Variants in PDE10A observed in about 807,000 individuals in gnomAD.
PDE10A encodes the protein phosphodiesterase 10A.
In PDE10A, 39 loss-of-function variants were observed where a neutral mutation model predicts 97.7. The observed-to-expected ratio is 0.40, with a 90% CI of 0.31 to 0.52. The LOEUF is 0.52. PDE10A is among the 20% of genes least tolerant of loss of function. The pLI is 0.56. For missense variants in PDE10A, 731 were observed against 1,047.8 expected (o/e 0.70, Z 4.17); for synonymous variants, 371 against 376.8 (o/e 0.98, Z 0.18).
At chr6:165,630,100 C>T (rs1788563128) in intron 1 of PDE10A, among the ~76,000 whole-genome samples, 1 of 152,078 alleles carries the variant, frequency 6.6e-6, no homozygotes, top group Admixed American at 6.6e-5. Context: ...GTAATCCCAG[C>T]ACTTTGGGAG....
At chr6:165,588,675 T>C (rs1786070077) in intron 1 of PDE10A, among the ~76,000 whole-genome samples, 1 of 152,302 alleles carries the variant, frequency 6.6e-6, no homozygotes, top group African/African-American at 2.4e-5. Context: ...AAACCTACAT[T>C]ATTCTGCCAT....
intron 1 of PDE10A, among the ~76,000 whole-genome samples, chr6:165,953,153 T>C (rs1784020892): frequency 2.0e-5 from 3 of 152,208 alleles, no homozygotes; most frequent in Middle Eastern, 3.2e-3. Flanking sequence ...GCCTCTGTTC[T>C]TGCAGAGGCA....
chr6:165,568,004 T>C (rs1784863496), intron 1 of PDE10A, among the ~76,000 whole-genome samples: 2 of 142,494 alleles, frequency 1.4e-5, no homozygotes, highest in Middle Eastern at 6.5e-3. Flanking sequence ...ATTTTTTTTT[T>C]TTTTTTTTTT....
chr6:165,588,779 G>A (rs1786077019), intron 1 of PDE10A, among the ~76,000 whole-genome samples: 1 of 152,160 alleles, frequency 6.6e-6, no homozygotes, highest in Non-Finnish European at 1.5e-5. Flanking sequence ...ACAGATGTGA[G>A]CTTGAATCTC....
At chr6:165,416,892 A>G (rs1259677462) in intron 11 of PDE10A, among the ~76,000 whole-genome samples, 2 of 152,234 alleles carry the variant, frequency 1.3e-5, no homozygotes, top group African/African-American at 4.8e-5. Flanking sequence ...TAATCAAAAT[A>G]CAAGGATTGT....
At chr6:165,765,802 C>G (rs113340561) in intron 1 of PDE10A, among the ~76,000 whole-genome samples, 15,648 of 152,258 alleles carry the variant, frequency 0.1, 980 homozygotes, top group South Asian at 0.19. Flanking sequence ...AGGAGGCACC[C>G]AGAGTGAGCG....
chr6:165,715,641 C>T (rs1792007847), intron 1 of PDE10A, among the ~76,000 whole-genome samples: 1 of 152,148 alleles, frequency 6.6e-6, no homozygotes, highest in Non-Finnish European at 1.5e-5. Flanking sequence ...CACGTGCGCA[C>T]ACACACAGAC....
At chr6:165,801,722 GC>G (rs1778993344) in intron 1 of PDE10A, among the ~76,000 whole-genome samples, 1 of 152,308 alleles carries the variant, frequency 6.6e-6, no homozygotes, top group African/African-American at 2.4e-5. Flanking sequence ...TTTCTGTAGA[GC>G]TATATGGACA....
At chr6:165,524,426 A>G (rs1782306954) in intron 2 of PDE10A, among the ~76,000 whole-genome samples, 1 of 152,176 alleles carries the variant, frequency 6.6e-6, no homozygotes, top group African/African-American at 2.4e-5. Flanking sequence ...AACTGTTTAG[A>G]AAGTTATGCA....
chr6:165,526,424 T>C lies in PDE10A; in HGVS notation c.994+17016A>G, dbSNP rs115413231. On this transcript the variant is annotated intron_variant, in intron 2 of 21. Transcript: ENST00000539869. Reference sequence around the variant, plus strand: ...AGAACCCCCACATTGGCTCCTTGACTGGGAGGGTGAGGGCTATTATGGTGA... The same window carrying C: ...AGAACCCCCACATTGGCTCCTTGACCGGGAGGGTGAGGGCTATTATGGTGA... Among the ~76,000 whole-genome samples the C allele has an allele frequency of 4.9e-3, 750 of 152,252 alleles. 4 individuals are homozygous for C. Among genetic ancestry groups the C allele is most frequent in the African/African-American group, 0.017 (703 of 41,538 alleles).
intron 2 of PDE10A, among the ~76,000 whole-genome samples, chr6:165,517,624 A>C (rs1010018050): frequency 1.3e-5 from 2 of 152,200 alleles, no homozygotes; most frequent in African/African-American, 4.8e-5. Flanking sequence ...GATGAATCTC[A>C]AAAAGGCTCG....
intron 1 of PDE10A, among the ~76,000 whole-genome samples, chr6:165,624,386 A>C (rs57522289): frequency 0.17 from 26,136 of 152,198 alleles, 3,060 homozygotes; most frequent in African/African-American, 0.34. Flanking sequence ...TGAACATTCA[A>C]GTGTCAATCA....
intron 19 of PDE10A, among the ~76,000 whole-genome samples, chr6:165,339,669 A>C (rs886805680): frequency 6.6e-6 from 1 of 152,202 alleles, no homozygotes; most frequent in South Asian, 2.1e-4. Flanking sequence ...AATAACAATA[A>C]CAAGATATGG....
At chr6:165,428,937 G>A (rs1422105510) in intron 9 of PDE10A, among the ~76,000 whole-genome samples, 2 of 151,982 alleles carry the variant, frequency 1.3e-5, no homozygotes, top group Admixed American at 1.3e-4. Context: ...TATAATTCCA[G>A]AGAATGCAAT....
At chr6:165,498,614 T>A (rs1034665723) in intron 2 of PDE10A, among the ~76,000 whole-genome samples, 2 of 151,990 alleles carry the variant, frequency 1.3e-5, no homozygotes, top group Admixed American at 1.3e-4. Flanking sequence ...TATCACACAT[T>A]ACTCTATCAG....
At chr6:165,404,316 G>A (rs1364564310) in intron 13 of PDE10A, among the ~76,000 whole-genome samples, 1 of 152,098 alleles carries the variant, frequency 6.6e-6, no homozygotes, top group African/African-American at 2.4e-5. Flanking sequence ...GTGAAGGGAA[G>A]GTCCATGCAG....
chr6:165,892,418 G>A (rs1025340967), intron 1 of PDE10A, among the ~76,000 whole-genome samples: 22 of 152,324 alleles, frequency 1.4e-4, no homozygotes, highest in African/African-American at 4.6e-4. Context: ...GGGCTGCTCC[G>A]CCCAGTGCCC....
intron 1 of PDE10A, among the ~76,000 whole-genome samples, chr6:165,800,071 G>A (rs1433805064): frequency 1.3e-5 from 2 of 152,332 alleles, no homozygotes; most frequent in Admixed American, 6.5e-5. Context: ...TTGACAGTGA[G>A]ACCCGTGGCA....
chr6:165,372,722 A>T lies in PDE10A; in HGVS notation c.2783+6472T>A, dbSNP rs1171515535. ...ATGACTTTCTTCACAGAATTGGAAA[A>T]AAATACTTTAAAGTTCATATGGAAC... is the stretch of plus-strand genomic sequence containing the variant. On this transcript the variant is annotated intron_variant, in intron 18 of 21. Coordinates refer to ENST00000539869, the MANE Select transcript of PDE10A (RefSeq NM_001385079.1). Among the ~76,000 whole-genome samples, 4 of 125,468 alleles carry T rather than the reference A, an allele frequency of 3.2e-5. No individual in the cohort carries two copies. In the South Asian group the frequency reaches 9.9e-4, roughly 31 times the overall value. The allele number at this position is 125,468 out of a possible 152,430, so 82.3% of individuals were successfully genotyped here. A position where few individuals can be genotyped will look rare whatever the true frequency, so the allele number is the denominator to read the frequency against.
Sources: allele counts gnomAD v4.1 joint callset (sites outside exome capture counted in the v4.1 genomes callset), GRCh38; gene constraint gnomAD v4.1.1; transcripts MANE v1.5; gene names NCBI Gene and HGNC (gene_info 2026-07-23, HGNC 2026-07-21).